Variants in MTX2 observed in about 807,000 individuals in gnomAD.
The protein encoded by MTX2 is metaxin 2.
MTX2 carries 35 observed loss-of-function variants against 42.3 expected under a neutral mutation model. The ratio of observed to expected loss-of-function variants is 0.83; its 90% CI spans 0.63 to 1.10. The LOEUF (loss-of-function observed/expected upper bound fraction) is 1.10. Ranked by LOEUF, MTX2 falls within the 50% of genes least tolerant of loss-of-function variation. The probability of loss-of-function intolerance (pLI) is 0.00; values close to 1 mark genes in which losing one functional copy is unlikely to be tolerated. For missense variants in MTX2, 307 were observed against 304.1 expected (o/e 1.01, Z -0.07); for synonymous variants, 119 against 100.9 (o/e 1.18, Z -1.08).
intron 2 of MTX2, among the ~76,000 whole-genome samples, chr2:176,297,432 G>A (rs113914262): frequency 3.9e-5 from 6 of 152,226 alleles, no homozygotes; most frequent in Non-Finnish European, 7.4e-5. Flanking sequence ...TTATTGCCAC[G>A]AACTTGTCAT....
intron 3 of MTX2, among the ~76,000 whole-genome samples, chr2:176,307,309 A>T (rs1230066321): frequency 6.6e-6 from 1 of 152,184 alleles, no homozygotes; most frequent in Non-Finnish European, 1.5e-5. Flanking sequence ...TTGTTACTGT[A>T]GCCTTGTAGT....
At chr2:176,293,149 T>TAA (rs1693364441) in intron 1 of MTX2, among the ~76,000 whole-genome samples, 1 of 152,234 alleles carries the variant, frequency 6.6e-6, no homozygotes, top group African/African-American at 2.4e-5. Flanking sequence ...TTCTAAAGCA[T>TAA]AAGTATTCTA....
At chr2:176,275,693 T>C (rs561037937) in intron 1 of MTX2, among the ~76,000 whole-genome samples, 5 of 152,182 alleles carry the variant, frequency 3.3e-5, no homozygotes, top group Admixed American at 2.6e-4. Flanking sequence ...TTCCAGTCAG[T>C]TGGTTATGAA....
At chr2:176,277,629 C>T (rs1189577782) in intron 1 of MTX2, among the ~76,000 whole-genome samples, 3 of 152,050 alleles carry the variant, frequency 2.0e-5, no homozygotes, top group Admixed American at 1.3e-4. Context: ...CTCGAACTCC[C>T]GACCTCAGGT....
chr2:176,275,650 C>A (rs1388819392), intron 1 of MTX2, among the ~76,000 whole-genome samples: 1 of 151,948 alleles, frequency 6.6e-6, no homozygotes, highest in Non-Finnish European at 1.5e-5. Context: ...TTTTTCAATA[C>A]ATTACTCACA....
At chr2:176,318,149 T>C (rs1317142541) in intron 3 of MTX2, among the ~76,000 whole-genome samples, 1 of 152,154 alleles carries the variant, frequency 6.6e-6, no homozygotes, top group Non-Finnish European at 1.5e-5. Context: ...TGTTTCTTCA[T>C]TGTTATTTTA....
At chr2:176,328,726 T>A (rs1684779633) in intron 6 of MTX2, 148 bp from the exon 7 acceptor site, 3 of 639,098 alleles carry the variant, frequency 4.7e-6, no homozygotes, top group Non-Finnish European at 8.2e-6. Context: ...ATCATTACAT[T>A]TTTGTGGATA....
intron 1 of MTX2, among the ~76,000 whole-genome samples, chr2:176,284,922 A>G (rs1367809837): frequency 6.6e-6 from 1 of 152,216 alleles, no homozygotes; most frequent in Non-Finnish European, 1.5e-5. Flanking sequence ...TTTGGTCCTC[A>G]TCTCTACAGT....
intron 1 of MTX2, among the ~76,000 whole-genome samples, chr2:176,295,501 G>A (rs186193392): frequency 2.0e-5 from 3 of 152,208 alleles, no homozygotes; most frequent in Non-Finnish European, 2.9e-5. Flanking sequence ...TGGTATGTGC[G>A]TTGAAATTCA....
chr2:176,317,451 A>G (rs915878397), intron 3 of MTX2, among the ~76,000 whole-genome samples: 2 of 151,938 alleles, frequency 1.3e-5, no homozygotes, highest in African/African-American at 4.8e-5. Flanking sequence ...TTGGCTCTGT[A>G]TTTTGTTTGA....
At chr2:176,318,460 G>A (rs1441558748) in intron 3 of MTX2, among the ~76,000 whole-genome samples, 1 of 152,072 alleles carries the variant, frequency 6.6e-6, no homozygotes, top group African/African-American at 2.4e-5. Context: ...TTCCTACCAG[G>A]TAGTCACTAA....
At position 176,282,129 on chromosome 2, in the gene MTX2, T is replaced by TG. The variant is rs1553471209; in HGVS notation, c.40+12460_40+12461insG. On this transcript the variant is annotated intron_variant, in intron 1 of 9. Transcript: ENST00000249442. ...TATTATTTTTAGAGTTACAGTAGTT[T>TG]TTTTTTTTTTTTTTTTTTTTTTTTT... Among the ~76,000 whole-genome samples, 4 of 132,494 alleles carry TG rather than the reference T, an allele frequency of 3.0e-5. 1 individual carries two copies. In the Admixed American group the frequency reaches 3.0e-4, roughly 10 times the overall value. The allele number at this position is 132,494 out of a possible 152,430, so 86.9% of individuals were successfully genotyped here. A position where few individuals can be genotyped will look rare whatever the true frequency, so the allele number is the denominator to read the frequency against.
chr2:176,303,295 T>G (rs1701227071), intron 3 of MTX2, among the ~76,000 whole-genome samples: 1 of 152,110 alleles, frequency 6.6e-6, no homozygotes, highest in Admixed American at 6.6e-5. Context: ...AATTTGTACA[T>G]TCCTCTCAAT....
intron 1 of MTX2, among the ~76,000 whole-genome samples, chr2:176,280,262 A>G (rs1235352650): frequency 6.6e-6 from 1 of 152,230 alleles, no homozygotes; most frequent in Non-Finnish European, 1.5e-5. Flanking sequence ...CTGTAGGGAA[A>G]GTGCAAGTGT....
At chr2:176,322,165 T>C (rs955854859) in intron 3 of MTX2, among the ~76,000 whole-genome samples, 1 of 152,008 alleles carries the variant, frequency 6.6e-6, no homozygotes, top group African/African-American at 2.4e-5. Flanking sequence ...GACTGGAGTT[T>C]TGAGAAAACA....
intron 3 of MTX2, among the ~76,000 whole-genome samples, chr2:176,321,504 T>C (rs1684581898): frequency 6.6e-6 from 1 of 152,128 alleles, no homozygotes. Context: ...AGTTCACTTC[T>C]CGGACAAACA....
At chr2:176,284,645 A>G (rs1693153920) in intron 1 of MTX2, among the ~76,000 whole-genome samples, 2 of 152,250 alleles carry the variant, frequency 1.3e-5, no homozygotes, top group African/African-American at 4.8e-5. Context: ...ATTATAAAAT[A>G]GCAACATGTT....
intron 3 of MTX2, among the ~76,000 whole-genome samples, chr2:176,298,974 A>T (rs950649152): frequency 6.6e-6 from 1 of 152,046 alleles, no homozygotes; most frequent in South Asian, 2.1e-4. Context: ...AGCTATCGGG[A>T]TCCCCTAGGA....
chr2:176,281,079 A>T (rs1365951924), intron 1 of MTX2, among the ~76,000 whole-genome samples: 1 of 152,180 alleles, frequency 6.6e-6, no homozygotes, highest in Non-Finnish European at 1.5e-5. Flanking sequence ...GACTGATAGT[A>T]AAAAGTGTGT....
Sources: gnomAD v4.1 joint callset for allele counts (sites outside exome capture counted in the v4.1 genomes callset) on GRCh38, gnomAD v4.1.1 for gene constraint, MANE v1.5 for transcripts, NCBI Gene and HGNC (gene_info 2026-07-23, HGNC 2026-07-21) for gene names.